The following ECE1 variants were observed in gnomAD, a reference collection of about 807,000 sequenced individuals.
ECE1 encodes the protein endothelin-converting enzyme 1.
Under a neutral mutation model 98.6 loss-of-function variants are expected in ECE1, and 35 were observed. The observed-to-expected ratio is 0.35, with a 90% CI of 0.27 to 0.47. The LOEUF (loss-of-function observed/expected upper bound fraction) is 0.47, where lower values mean the gene tolerates loss of function less well. ECE1 is among the 20% of genes least tolerant of loss of function. ECE1 has a pLI of 1.00. For synonymous variants in ECE1, 394 were observed against 407.1 expected, an observed-to-expected ratio of 0.97 and a Z score of 0.39; for missense variants, 814 against 1,025.3, an observed-to-expected ratio of 0.79 and a Z score of 2.81.
At position 21,258,991 on chromosome 1, in the gene ECE1, G is replaced by A. The variant is rs1161214033; in HGVS notation, c.616-152C>T. The A allele has an allele frequency of 1.9e-5, 22 of 1,158,328 alleles. No individual in the cohort carries two copies. The highest frequency in any genetic ancestry group is 1.1e-4 in the South Asian group (7 of 66,580). 71.8% of individuals were successfully genotyped at this position (1,158,328 alleles called of 1,614,324 possible). On this transcript the variant is annotated intron_variant, in intron 5 of 18. Transcript: ENST00000374893. This position sits in a 1 kb window ranked among gnomAD's most constrained non-coding sequence, Gnocchi z 4.2. ...GCAAAGGAAAGGATTGGTCTTCATC[G>A]GGGGTTTCCGACCCATGAGCTGGAG...
rs947336859 is a variant in ECE1 at position 21,319,331 on chromosome 1, C to T, written c.3+26045G>A. ...CTGCTTTCCAGCCTGGGAGACAGAG[C>T]GAGACTCCGTCTCAAAATAATAATA... On this transcript the variant is annotated intron_variant, in intron 1 of 18. Transcript: ENST00000415912. This position sits in a 1 kb window ranked among gnomAD's most constrained non-coding sequence, Gnocchi z 4.4. Among the ~76,000 whole-genome samples the T allele has an allele frequency of 6.6e-6, 1 of 152,018 alleles. No homozygotes were observed. The highest frequency in any genetic ancestry group is 6.6e-5 in the Admixed American group (1 of 15,254).
chr1:21,342,154 A>G (rs1639411012), intron 1 of ECE1, among the ~76,000 whole-genome samples: 1 of 152,198 alleles, frequency 6.6e-6, no homozygotes, highest in Non-Finnish European at 1.5e-5. Context: ...AGTAAAGAGC[A>G]TTCCCAACCC....
chr1:21,241,423 G>GTTTT (rs1223983301), intron 10 of ECE1, among the ~76,000 whole-genome samples: 1 of 133,382 alleles, frequency 7.5e-6, no homozygotes, highest in Non-Finnish European at 1.6e-5. Flanking sequence ...TGGTTGAGGT[G>GTTTT]TTTTTTTTTT....
Position 21,257,296 on chromosome 1 carries a change from A to G in ECE1, c.828+229T>C, listed in dbSNP as rs2098221087. On this transcript the variant is annotated intron_variant, in intron 7 of 18. Coordinates refer to ENST00000374893, the MANE Select transcript of ECE1 (RefSeq NM_001397.3). Reference sequence around the variant, plus strand: ...GTTATTGCTGCCTCTGCCTCTCTCTAGAACCAGGACAAATGATACCTGTCT... The same window carrying G: ...GTTATTGCTGCCTCTGCCTCTCTCTGGAACCAGGACAAATGATACCTGTCT... Among the ~76,000 whole-genome samples the G allele has an allele frequency of 2.0e-5, 3 of 152,298 alleles. No individual in the cohort carries two copies. The South Asian group carries it at 6.2e-4, about 32-fold the overall frequency.
At chr1:21,224,712 C>A (rs1224422546) in intron 17 of ECE1, among the ~76,000 whole-genome samples, 2 of 152,204 alleles carry the variant, frequency 1.3e-5, no homozygotes, top group Non-Finnish European at 2.9e-5. Context: ...CCGCGAGCAT[C>A]TCTGAGTGTC....
rs954167195 is a variant in ECE1 at position 21,335,121 on chromosome 1, C to G, written c.3+10255G>C. Among the ~76,000 whole-genome samples, 79 of 152,250 alleles carry G rather than the reference C, an allele frequency of 5.2e-4. 1 individual carries two copies. Among genetic ancestry groups the G allele is most frequent in the Middle Eastern group, 3.4e-3 (1 of 294 alleles). On this transcript the variant is annotated intron_variant, in intron 1 of 18. Coordinates refer to the ECE1 transcript ENST00000415912. ...TGCCCGGCCACACCAGCGTTCACCCCCTACATGTGCCAAACTTGCTGTTCC... is the reference window on the plus strand; with the variant it reads ...TGCCCGGCCACACCAGCGTTCACCCGCTACATGTGCCAAACTTGCTGTTCC...
chr1:21,234,417 T>C (rs2098185566), intron 13 of ECE1, among the ~76,000 whole-genome samples: 1 of 150,214 alleles, frequency 6.7e-6, no homozygotes, highest in South Asian at 2.1e-4. Context: ...AAAGTAGAAA[T>C]CTATCTGAAC....
At chr1:21,227,138 G>A (rs992987055) in intron 16 of ECE1, 21 bp downstream of exon 16, 9 of 1,612,646 alleles carry the variant, frequency 5.6e-6, no homozygotes, top group South Asian at 4.4e-5. Flanking sequence ...ATGAGCCATC[G>A]TGCCCAGCTG....
In ECE1 at chr1:21,233,768, G is replaced by C; in HGVS notation, c.1567-107C>G. On this transcript the variant is annotated intron_variant, in intron 13 of 18. Transcript: ENST00000374893. This position sits in a 1 kb window ranked among gnomAD's most constrained non-coding sequence, Gnocchi z 4.0. ...GGTTAAGAGATTAATCTGCAGGCTG[G>C]AGACCGGAATGCAGGGCTTGGGGCT... 1 of 1,060,626 alleles carries C rather than the reference G, an allele frequency of 9.4e-7. No individual in the cohort carries two copies. Among genetic ancestry groups the C allele is most frequent in the Non-Finnish European group, 1.4e-6 (1 of 704,878 alleles). 65.7% of individuals were successfully genotyped at this position (1,060,626 alleles called of 1,614,324 possible).
intron 1 of ECE1, among the ~76,000 whole-genome samples, chr1:21,326,767 A>G (rs2103408100): frequency 6.6e-6 from 1 of 152,264 alleles, no homozygotes; most frequent in East Asian, 1.9e-4. Context: ...CTAAGACAGC[A>G]GCCAGCAGCC....
chr1:21,240,584 T>C (rs564026247), intron 10 of ECE1, among the ~76,000 whole-genome samples: 1 of 150,694 alleles, frequency 6.6e-6, no homozygotes, highest in Non-Finnish European at 1.5e-5. Context: ...AAATTCCTTC[T>C]AGGCAAGAAA....
chr1:21,298,703 C>T, intron 1 of ECE1: 1 of 455,030 alleles, frequency 2.2e-6, no homozygotes, highest in Non-Finnish European at 4.4e-6. Flanking sequence ...GCATCAGTAA[C>T]TCACCCTAAG....
intron 1 of ECE1, among the ~76,000 whole-genome samples, chr1:21,341,171 G>A (rs1639391477): frequency 6.6e-6 from 1 of 152,160 alleles, no homozygotes; most frequent in African/African-American, 2.4e-5. Flanking sequence ...GTGTCTCCCT[G>A]ACAACAGTAA....
chr1:21,344,158 C>T (rs1442179088), intron 1 of ECE1, among the ~76,000 whole-genome samples: 3 of 151,950 alleles, frequency 2.0e-5, no homozygotes, highest in Non-Finnish European at 4.4e-5. Context: ...GAGAAGAGGC[C>T]TTGGAAGGGA....
chr1:21,297,110 G>C (rs1442439796), intron 1 of ECE1, among the ~76,000 whole-genome samples: 2 of 152,342 alleles, frequency 1.3e-5, no homozygotes, highest in East Asian at 3.9e-4. Flanking sequence ...CCAGGGCTGG[G>C]CTCCCGTGAA....
At chr1:21,308,470 C>T (rs1225917563) in intron 1 of ECE1, among the ~76,000 whole-genome samples, 3 of 151,992 alleles carry the variant, frequency 2.0e-5, no homozygotes, top group African/African-American at 7.3e-5. Context: ...GGAGGAAGGG[C>T]GTCTTGTGAG....
intron 1 of ECE1, among the ~76,000 whole-genome samples, chr1:21,333,517 G>A (rs974540049): frequency 3.9e-5 from 6 of 152,170 alleles, no homozygotes; most frequent in South Asian, 2.1e-4. Flanking sequence ...CATTCTTTCC[G>A]GTGCTTCAGG....
intron 18 of ECE1, among the ~76,000 whole-genome samples, chr1:21,221,354 T>C (rs536397426): frequency 6.6e-6 from 1 of 152,128 alleles, no homozygotes; most frequent in African/African-American, 2.4e-5. Context: ...TATTTTTTCA[T>C]AGAGACAGGG....
intron 2 of ECE1, among the ~76,000 whole-genome samples, chr1:21,281,863 AT>A (rs1381564409): frequency 1.3e-5 from 2 of 152,120 alleles, no homozygotes; most frequent in African/African-American, 4.8e-5. Context: ...CGCCCGGCTA[AT>A]TTTTGTATTT....
Sources: gnomAD v4.1 joint callset for allele counts (sites outside exome capture counted in the v4.1 genomes callset) on GRCh38, gnomAD v4.1.1 for gene constraint, Gnocchi (gnomAD v3.1) non-coding constraint, MANE v1.5 for transcripts, NCBI Gene and HGNC (gene_info 2026-07-23, HGNC 2026-07-21) for gene names.